The following UBR4 variants were observed in gnomAD, a reference collection of about 807,000 sequenced individuals.
UBR4 encodes the protein E3 ubiquitin-protein ligase UBR4.
In UBR4, 124 loss-of-function variants were observed where a neutral mutation model predicts 575.6. The ratio of observed to expected loss-of-function variants is 0.22; its 90% CI spans 0.19 to 0.25. UBR4 has a LOEUF of 0.25. UBR4 is among the 10% of genes least tolerant of loss of function. UBR4 has a pLI of 1.00. For missense variants in UBR4, 4,818 were observed against 6,478.8 expected, an observed-to-expected ratio of 0.74 and a Z score of 8.80; for synonymous variants, 2,455 against 2,473.7, an observed-to-expected ratio of 0.99 and a Z score of 0.22.
intron 20 of UBR4, among the ~76,000 whole-genome samples, chr1:19,175,511 C>T (rs2090146209): frequency 6.6e-6 from 1 of 152,104 alleles, no homozygotes; most frequent in Non-Finnish European, 1.5e-5. Flanking sequence ...TCTAATAATC[C>T]TCAGGGTAAG....
chr1:19,200,980 T>C (rs1267432953), intron 2 of UBR4, among the ~76,000 whole-genome samples: 4 of 152,018 alleles, frequency 2.6e-5, no homozygotes, highest in African/African-American at 7.2e-5. Context: ...CCTGTCACTA[T>C]AAAATATTAA....
intron 17 of UBR4, among the ~76,000 whole-genome samples, chr1:19,181,841 G>A (rs1244452551): frequency 1.3e-5 from 2 of 152,078 alleles, no homozygotes; most frequent in African/African-American, 2.4e-5. Flanking sequence ...ATTTTTACAT[G>A]AACAGTTCTG....
rs1570546531 is a variant in UBR4, at chr1:19,106,553, A to G, written c.12393+16T>C. On this transcript the variant is annotated intron_variant, in intron 83 of 105. Transcript: ENST00000375254. ...CAGGGGCGCAGGGGGTGAAGAGTCC[A>G]GAAGTGGCCACTCACTTGTCGCAGC... is the stretch of plus-strand genomic sequence containing the variant. 3 of 1,549,386 alleles carry G rather than the reference A, an allele frequency of 1.9e-6. No individual in the cohort carries two copies. The East Asian group carries it at 6.8e-5, about 35-fold the overall frequency.
intron 65 of UBR4, among the ~76,000 whole-genome samples, chr1:19,123,403 A>G (rs2081379094): frequency 6.7e-6 from 1 of 150,260 alleles, no homozygotes; most frequent in Non-Finnish European, 1.5e-5. Flanking sequence ...GTGAGCAGAG[A>G]TCGTGTCACT....
At chr1:19,106,535 G>T in intron 83 of UBR4, 34 bp downstream of exon 83, 1 of 1,515,606 alleles carries the variant, frequency 6.6e-7, no homozygotes. Flanking sequence ...GGTCAGGGGC[G>T]CAGGGGGTGA....
intron 60 of UBR4, among the ~76,000 whole-genome samples, chr1:19,136,533 A>C (rs2083218247): frequency 6.6e-6 from 1 of 152,196 alleles, no homozygotes. Context: ...GAAAAAAGGA[A>C]AGAAACAGGA....
At position 19,100,079 on chromosome 1, in the gene UBR4, G is replaced by A. The variant is rs552734718; in HGVS notation, c.13221+297C>T. 1,464 of 463,486 alleles carry A rather than the reference G, an allele frequency of 3.2e-3. 4 individuals carry two copies. Among genetic ancestry groups the A allele is most frequent in the Non-Finnish European group, 4.4e-3 (1,156 of 260,656 alleles). 28.7% of individuals were successfully genotyped at this position (463,486 alleles called of 1,614,324 possible). Reference sequence around the variant, plus strand: ...GGGGCTCAGGTAACTCAGACTCACCGAGAAGTCTCTGCCAGAGGCAATAAC... The same window carrying A: ...GGGGCTCAGGTAACTCAGACTCACCAAGAAGTCTCTGCCAGAGGCAATAAC... On this transcript the variant is annotated intron_variant, in intron 89 of 105. Coordinates refer to ENST00000375254, the MANE Select transcript of UBR4 (RefSeq NM_020765.3). The surrounding 1 kb of genome is among the most constrained non-coding windows in gnomAD (Gnocchi z 4.2).
chr1:19,101,592 G>T lies in UBR4; in HGVS notation c.12951C>A (p.Ala4317=), dbSNP rs983963046. The T allele has an allele frequency of 1.2e-5, 20 of 1,613,986 alleles. No homozygotes were observed. The East Asian group carries it at 4.0e-4, about 32-fold the overall frequency. Residue 4317 remains alanine (A), a synonymous_variant, in exon 88 of 106, where the codon GCC becomes GCA. Transcript: ENST00000375254. ...GGTAGTCATCCAGATTGTAGCGCTT[G>T]GCTGTCTCAATGCACACAGCCATGA... The part of the protein sequence containing the change: ...KAFMAVCIET[A]KRYNLDDYRT...
Position 19,204,173 on chromosome 1 carries a change from A to AT in UBR4, c.177-2359dup, listed in dbSNP as rs1207328332. Among the ~76,000 whole-genome samples the AT allele has an allele frequency of 2.4e-3, 349 of 148,028 alleles. 1 individual carries two copies. Among genetic ancestry groups the AT allele is most frequent in the African/African-American group, 6.9e-3 (277 of 40,378 alleles). ...GCCACCACGCCTGGCTAATTTTTGT[A>AT]TTTTTTTTTTAGTAGAGATGGGGTT... On this transcript the variant is annotated intron_variant, in intron 1 of 105. Transcript: ENST00000375254.
chr1:19,151,507 T>G lies in UBR4; in HGVS notation c.7213+136A>C, dbSNP rs116016653. On this transcript the variant is annotated intron_variant, in intron 48 of 105. Coordinates refer to ENST00000375254, the MANE Select transcript of UBR4 (RefSeq NM_020765.3). ...GCCTCTTTAATACATCAAATGAAGCTCAAAGTTTCCTGATGAAAGGACAGA... is the reference window on the plus strand; with the variant it reads ...GCCTCTTTAATACATCAAATGAAGCGCAAAGTTTCCTGATGAAAGGACAGA... 503 of 941,900 alleles carry G rather than the reference T, an allele frequency of 5.3e-4. 3 individuals carry two copies. The African/African-American group carries it at 7.1e-3, about 13-fold the overall frequency. 58.3% of individuals were successfully genotyped at this position (941,900 alleles called of 1,614,324 possible). A position where few individuals can be genotyped will look rare whatever the true frequency, so the allele number is the denominator to read the frequency against.
At chr1:19,104,863 A>G in intron 85 of UBR4, 185 bp downstream of exon 85, 1 of 1,148,008 alleles carries the variant, frequency 8.7e-7, no homozygotes, top group Admixed American at 2.6e-5. Context: ...AAACAGTCCA[A>G]ATGCTCCCAA....
At chr1:19,148,440 T>G in intron 50 of UBR4, 123 bp downstream of exon 50, 1 of 1,282,562 alleles carries the variant, frequency 7.8e-7, no homozygotes, top group Non-Finnish European at 1.1e-6. Flanking sequence ...CTGGAGCTTC[T>G]TAGCAAATCA....
chr1:19,184,292 T>C, intron 15 of UBR4, 117 bp from the exon 16 acceptor site: 8 of 1,104,726 alleles, frequency 7.2e-6, no homozygotes, highest in Non-Finnish European at 8.9e-6. Flanking sequence ...ATAAACACAA[T>C]GAATGAAAGA....
In UBR4 at chr1:19,148,109, C is replaced by G; in HGVS notation, c.7513G>C (p.Ala2505Pro). ...AACAGCAAAGTGGCCAGCTCCTGAG[C>G]AGCATTCTTGTTTCTCTCCTAAGGC... ...IIEKERNKNA[A>P]QELATLLLSL... Residue 2505 changes from alanine to proline, a missense_variant, in exon 51 of 106, where the codon GCT becomes CCT. Transcript: ENST00000375254. The G allele has an allele frequency of 1.9e-6, 3 of 1,608,416 alleles. No homozygotes were observed. The highest frequency in any genetic ancestry group is 2.5e-6 in the Non-Finnish European group (3 of 1,179,356).
At chr1:19,176,570 T>C in intron 20 of UBR4, 22 bp downstream of exon 20, 2 of 1,610,138 alleles carry the variant, frequency 1.2e-6, no homozygotes, top group Non-Finnish European at 1.7e-6. Flanking sequence ...GTCAGTTTCT[T>C]ATTAACAGTC....
intron 75 of UBR4, 45 bp from the exon 76 acceptor site, chr1:19,114,115 T>C (rs2080211870): frequency 4.4e-6 from 7 of 1,591,408 alleles, no homozygotes; most frequent in Non-Finnish European, 3.4e-6. Flanking sequence ...TTTTGGCTGA[T>C]GACTTTCCCT....
At chr1:19,176,501 C>T in intron 20 of UBR4, 91 bp downstream of exon 20, 1 of 1,500,924 alleles carries the variant, frequency 6.7e-7, no homozygotes, top group Non-Finnish European at 9.0e-7. Context: ...AGCAAATGAC[C>T]AAAGATCCTC....
chr1:19,187,954 G>A (rs1275413778), intron 11 of UBR4, among the ~76,000 whole-genome samples: 3 of 151,984 alleles, frequency 2.0e-5, no homozygotes, highest in Non-Finnish European at 4.4e-5. Context: ...TATGGTACCA[G>A]CTACTTGGGA....
intron 69 of UBR4, 24 bp from the exon 70 acceptor site, chr1:19,119,725 T>C: frequency 6.3e-7 from 1 of 1,589,268 alleles, no homozygotes; most frequent in Non-Finnish European, 8.6e-7. Flanking sequence ...ACAGCTCATG[T>C]TACCAAGCAG....
Sources: allele counts gnomAD v4.1 joint callset (sites outside exome capture counted in the v4.1 genomes callset), GRCh38; gene constraint gnomAD v4.1.1; non-coding constraint Gnocchi (gnomAD v3.1); transcripts MANE v1.5; gene names NCBI Gene and HGNC (gene_info 2026-07-23, HGNC 2026-07-21).